KLF5: variants seen among roughly 807,000 people sequenced by gnomAD.
The protein encoded by KLF5 is Krueppel-like factor 5.
In KLF5, 9 loss-of-function variants were observed where a neutral mutation model predicts 36.9. That is an observed-to-expected ratio of 0.24 (90% confidence interval 0.15 to 0.43). The LOEUF is 0.43. Among genes scored for constraint, KLF5 ranks in the 20% least tolerant of loss-of-function variants. The pLI, the probability that KLF5 is intolerant of heterozygous loss-of-function variation, is 1.00. For missense variants in KLF5, 524 were observed against 599.5 expected, an observed-to-expected ratio of 0.87 and a Z score of 1.31; for synonymous variants, 246 against 241.7, an observed-to-expected ratio of 1.02 and a Z score of -0.17.
chr13:73,071,161 T>G (rs1018145965), intron 3 of KLF5, among the ~76,000 whole-genome samples: 3 of 152,186 alleles, frequency 2.0e-5, no homozygotes, highest in African/African-American at 7.2e-5. Flanking sequence ...AATTGATAGC[T>G]CAACAGAAAT....
At chr13:73,064,041 A>G (rs2044661317) in intron 3 of KLF5, among the ~76,000 whole-genome samples, 158 bp downstream of exon 3, 1 of 149,426 alleles carries the variant, frequency 6.7e-6, no homozygotes, top group South Asian at 2.1e-4. Flanking sequence ...TTGGTTCAGA[A>G]TTCAGTTCCA....
upstream of KLF5, among the ~76,000 whole-genome samples, chr13:73,057,803 C>T (rs1386628505): frequency 6.6e-6 from 1 of 152,122 alleles, no homozygotes; most frequent in African/African-American, 2.4e-5. Context: ...ATTTTTATTG[C>T]AGTTTATTGT....
upstream of KLF5, among the ~76,000 whole-genome samples, chr13:73,057,656 T>C (rs577144957): frequency 6.6e-6 from 1 of 152,254 alleles, no homozygotes; most frequent in African/African-American, 2.4e-5. Flanking sequence ...ATACACTCTT[T>C]GAAGTGAACG....
Position 73,062,729 on chromosome 13 carries a change from A to C in KLF5, c.1130A>C (p.Tyr377Ser), listed in dbSNP as rs2044647099. 6.2e-7 allele frequency: 1 copy of C among 1,613,048 alleles called. No individual in the cohort carries two copies. Among genetic ancestry groups the C allele is most frequent in the Non-Finnish European group, 8.5e-7 (1 of 1,179,534 alleles). The change falls in exon 2 of 4, where the codon TAC becomes TCC. Residue 377 changes from tyrosine (Y) to serine (S), a missense_variant. Around this residue, in one of 4 missense-constraint regions of KLF5, gnomAD observed 46 missense variants for 105.8 expected, o/e 0.43. Coordinates refer to ENST00000377687, the MANE Select transcript of KLF5 (RefSeq NM_001730.5). ...LEKRRIHYCD[Y>S]PGCTKVYTKS... The stretch of plus-strand genomic sequence containing the variant: ...AAACGACGCATCCACTACTGCGATT[A>C]CCCTGGTATGTGCTCTTACCTGGTT...
intron 3 of KLF5, among the ~76,000 whole-genome samples, chr13:73,066,421 GTCC>G (rs1057215523): frequency 3.7e-4 from 54 of 144,790 alleles, no homozygotes; most frequent in African/African-American, 5.2e-4. Context: ...TTTTCTTTCT[GTCC>G]TCCTCCTCCC....
chr13:73,067,183 C>T (rs918668625), intron 3 of KLF5, among the ~76,000 whole-genome samples: 5 of 152,072 alleles, frequency 3.3e-5, no homozygotes, highest in African/African-American at 1.2e-4. Context: ...CTACAAGGGG[C>T]GGAACACATT....
intron 3 of KLF5, among the ~76,000 whole-genome samples, chr13:73,074,432 A>G (rs1361201645): frequency 3.9e-5 from 6 of 152,052 alleles, no homozygotes; most frequent in Non-Finnish European, 5.9e-5. Context: ...AAGTATCTAT[A>G]TAAAACTCAG....
At chr13:73,061,186 A>G (rs2044632599) in intron 1 of KLF5, among the ~76,000 whole-genome samples, 1 of 152,224 alleles carries the variant, frequency 6.6e-6, no homozygotes, top group Non-Finnish European at 1.5e-5. Flanking sequence ...ATATTAACCA[A>G]TTACAGGATC....
intron 3 of KLF5, among the ~76,000 whole-genome samples, chr13:73,064,484 T>G (rs1264068813): frequency 1.3e-5 from 2 of 152,180 alleles, no homozygotes; most frequent in Non-Finnish European, 2.9e-5. Context: ...TTACATTCAT[T>G]CTTGTTTACA....
intron 3 of KLF5, among the ~76,000 whole-genome samples, chr13:73,068,400 T>C (rs959626106): frequency 6.6e-6 from 1 of 152,158 alleles, no homozygotes; most frequent in Non-Finnish European, 1.5e-5. Context: ...TAAAAGATCC[T>C]TAGATATGAA....
chr13:73,068,018 T>C, intron 3 of KLF5, among the ~76,000 whole-genome samples: 1 of 151,940 alleles, frequency 6.6e-6, no homozygotes, highest in Non-Finnish European at 1.5e-5. Context: ...TTTTTGTATT[T>C]TTAGTGGAGA....
rs534892814 is a variant in KLF5, at chr13:73,059,266, C to T, written c.-62C>T. On this transcript the variant is annotated 5_prime_UTR_variant, in exon 1 of 4. Transcript: ENST00000377687. The stretch of plus-strand genomic sequence containing the variant: ...CCCGCGCTGAGCTCGCCGACCCAAG[C>T]CAGCGTGGGCGAGGTGGGAAGTGCG... 181 of 1,274,870 alleles carry T rather than the reference C, an allele frequency of 1.4e-4. No individual in the cohort carries two copies. The highest frequency in any genetic ancestry group is 8.8e-4 in the African/African-American group (57 of 64,668). 79.0% of individuals were successfully genotyped at this position (1,274,870 alleles called of 1,614,324 possible). A position where few individuals can be genotyped will look rare whatever the true frequency, so the allele number is the denominator to read the frequency against.
At chr13:73,068,565 G>T (rs367652379) in intron 3 of KLF5, among the ~76,000 whole-genome samples, 4 of 151,120 alleles carry the variant, frequency 2.6e-5, no homozygotes, top group African/African-American at 9.7e-5. Context: ...TTAGTCAGGC[G>T]TGGTGGCACA....
At chr13:73,056,401 A>G (rs2044583758), upstream of KLF5, among the ~76,000 whole-genome samples, 1 of 152,250 alleles carries the variant, frequency 6.6e-6, no homozygotes, top group African/African-American at 2.4e-5. Context: ...GTACAGCACT[A>G]CTAAGCGGGA....
At chr13:73,056,222 C>T (rs1372966529), upstream of KLF5, among the ~76,000 whole-genome samples, 1 of 152,110 alleles carries the variant, frequency 6.6e-6, no homozygotes, top group Non-Finnish European at 1.5e-5. Flanking sequence ...TAAGCATGCA[C>T]ACTGCTTCTA....
intron 3 of KLF5, among the ~76,000 whole-genome samples, chr13:73,071,318 T>C (rs1229759664): frequency 6.6e-6 from 1 of 152,214 alleles, no homozygotes; most frequent in Non-Finnish European, 1.5e-5. Context: ...CTTTTGTTTT[T>C]GTTTTTGGCA....
chr13:73,055,926 G>A (rs868021932), upstream of KLF5, among the ~76,000 whole-genome samples: 8 of 152,168 alleles, frequency 5.3e-5, no homozygotes, highest in Middle Eastern at 3.4e-3. Flanking sequence ...AAGCTGTGAC[G>A]TTTTTGCCAA....
At chr13:73,061,279 TTG>T (rs2044633035) in intron 1 of KLF5, among the ~76,000 whole-genome samples, 1 of 152,254 alleles carries the variant, frequency 6.6e-6, no homozygotes, top group South Asian at 2.1e-4. Context: ...GCTTAGAACG[TTG>T]TGTTTAATTT....
chr13:73,075,610 G>A, intron 3 of KLF5, 98 bp from the exon 4 acceptor site: 1 of 1,064,314 alleles, frequency 9.4e-7, no homozygotes, highest in South Asian at 1.9e-5. Context: ...CTTTCGCTTG[G>A]CCAAGATTTT....
Sources: allele counts gnomAD v4.1 joint callset (sites outside exome capture counted in the v4.1 genomes callset), GRCh38; gene constraint gnomAD v4.1.1; regional missense constraint gnomAD v4.1.1; transcripts MANE v1.5; gene names NCBI Gene and HGNC (gene_info 2026-07-23, HGNC 2026-07-21).